Variants in RNLS observed in about 807,000 individuals in gnomAD.
The protein encoded by RNLS is renalase.
A neutral mutation model predicts 39.8 loss-of-function variants in RNLS; 39 were observed. The ratio of observed to expected loss-of-function variants is 0.98; its 90% CI spans 0.76 to 1.28. The LOEUF is 1.28. Among genes scored for constraint, RNLS ranks in the 50% most tolerant of loss-of-function variants. The probability of loss-of-function intolerance (pLI) is 0.00; values close to 1 mark genes in which losing one functional copy is unlikely to be tolerated. For synonymous variants in RNLS, 147 were observed against 150.7 expected (o/e 0.98, Z 0.18); for missense variants, 410 against 413.3 (o/e 0.99, Z 0.07).
chr10:88,424,565 C>T (rs988231319), intron 4 of RNLS, among the ~76,000 whole-genome samples: 2 of 152,018 alleles, frequency 1.3e-5, no homozygotes, highest in Admixed American at 6.6e-5. Context: ...CTTGAGGCAG[C>T]CCACACCAAT....
At position 88,583,314 on chromosome 10, in the gene RNLS, G is replaced by A. The variant is rs1850772966; in HGVS notation, c.-124C>T. ...TTCCGTGCTCCCTGGGCCGACCTGG[G>A]CCCTGAGCTTTCCTCCGGCCGGCCT... On this transcript the variant is annotated 5_prime_UTR_variant, in exon 1 of 7. Coordinates refer to ENST00000331772, the MANE Select transcript of RNLS (RefSeq NM_001031709.3). 6.9e-7 allele frequency: 1 copy of A among 1,442,084 alleles called. No individual in the cohort carries two copies. Among genetic ancestry groups the A allele is most frequent in the Non-Finnish European group, 9.1e-7 (1 of 1,103,754 alleles). 89.3% of individuals were successfully genotyped at this position (1,442,084 alleles called of 1,614,324 possible).
At chr10:88,548,059 C>T (rs1848406228) in intron 4 of RNLS, among the ~76,000 whole-genome samples, 1 of 150,872 alleles carries the variant, frequency 6.6e-6, no homozygotes, top group African/African-American at 2.4e-5. Flanking sequence ...CTCAGGAGTT[C>T]GCAACTAGCC....
At chr10:88,177,493 A>G in the RNLS span, among the ~76,000 whole-genome samples, 9 of 152,102 alleles carry the variant, frequency 5.9e-5, 1 homozygote, top group African/African-American at 2.2e-4. Context: ...TGTTTTCCTG[A>G]TTGGGTTGAA....
At chr10:88,493,306 G>A (rs1188693134) in intron 4 of RNLS, among the ~76,000 whole-genome samples, 1 of 151,874 alleles carries the variant, frequency 6.6e-6, no homozygotes, top group Non-Finnish European at 1.5e-5. Context: ...AATAATTGTA[G>A]TAAATGGATA....
the RNLS span, among the ~76,000 whole-genome samples, chr10:88,208,456 T>G: frequency 1.3e-5 from 2 of 152,176 alleles, no homozygotes; most frequent in Non-Finnish European, 2.9e-5. Flanking sequence ...AAAGCAGTGA[T>G]ATTTTACTAA....
At chr10:88,285,543 G>T (rs1843200884) in intron 6 of RNLS, 37 bp from the exon 7 acceptor site, 1 of 1,564,984 alleles carries the variant, frequency 6.4e-7, no homozygotes, top group African/African-American at 1.4e-5. Context: ...TTGACATTCT[G>T]TGCTCTATTG....
chr10:88,353,935 T>G (rs1046485175), intron 5 of RNLS, among the ~76,000 whole-genome samples: 1 of 152,240 alleles, frequency 6.6e-6, no homozygotes, highest in Non-Finnish European at 1.5e-5. Context: ...TAGCTCTTCT[T>G]GTTGAATTGA....
the RNLS span, among the ~76,000 whole-genome samples, chr10:88,244,964 AGTTGT>A: frequency 6.6e-6 from 1 of 152,188 alleles, no homozygotes; most frequent in South Asian, 2.1e-4. Flanking sequence ...TTTCAAGTTG[AGTTGT>A]GGTTTGCCAC....
chr10:88,316,947 T>G (rs1845807241), intron 5 of RNLS, among the ~76,000 whole-genome samples: 1 of 152,228 alleles, frequency 6.6e-6, no homozygotes, highest in East Asian at 1.9e-4. Flanking sequence ...TCAAGCAGAA[T>G]TTAAACGTGA....
chr10:88,460,578 T>C (rs1212655610), intron 4 of RNLS, among the ~76,000 whole-genome samples: 1 of 152,062 alleles, frequency 6.6e-6, no homozygotes, highest in Non-Finnish European at 1.5e-5. Context: ...CCCATCAGAA[T>C]AAAGCCTCCG....
At chr10:88,568,103 G>C (rs563395520) in intron 4 of RNLS, among the ~76,000 whole-genome samples, 4 of 152,288 alleles carry the variant, frequency 2.6e-5, no homozygotes, top group African/African-American at 9.6e-5. Context: ...ATGAAAGCAG[G>C]AGAAAATAAG....
the RNLS span, chr10:88,259,501 T>G: frequency 6.6e-6 from 1 of 152,220 alleles, no homozygotes; most frequent in Non-Finnish European, 1.5e-5. Context: ...GGTTTAAATG[T>G]CTATCTCTGG....
chr10:88,541,808 C>T (rs571197684), intron 4 of RNLS, among the ~76,000 whole-genome samples: 1 of 152,192 alleles, frequency 6.6e-6, no homozygotes, highest in Non-Finnish European at 1.5e-5. Context: ...GTGTAGGATA[C>T]AAACAAGGAC....
chr10:88,213,600 A>G, the RNLS span, among the ~76,000 whole-genome samples: 1 of 152,078 alleles, frequency 6.6e-6, no homozygotes, highest in Non-Finnish European at 1.5e-5. Flanking sequence ...TTCCTGCCAG[A>G]GCCGCCATCT....
intron 4 of RNLS, among the ~76,000 whole-genome samples, chr10:88,518,384 C>G (rs1210761736): frequency 6.6e-6 from 1 of 151,444 alleles, no homozygotes; most frequent in East Asian, 1.9e-4. Context: ...AAAATTCTGT[C>G]AATACATCAA....
chr10:88,231,417 G>A, the RNLS span, among the ~76,000 whole-genome samples: 3 of 152,160 alleles, frequency 2.0e-5, no homozygotes, highest in African/African-American at 7.2e-5. Flanking sequence ...CCAGAACAGT[G>A]AGCAAATACA....
chr10:88,484,121 T>C (rs1025511964), intron 4 of RNLS, among the ~76,000 whole-genome samples: 11 of 152,050 alleles, frequency 7.2e-5, no homozygotes, highest in Non-Finnish European at 1.5e-5. Context: ...CGAAAACAAA[T>C]TTTTGTAAAA....
intron 5 of RNLS, among the ~76,000 whole-genome samples, chr10:88,352,086 AAGG>A (rs1426969944): frequency 1.4e-4 from 22 of 152,330 alleles, no homozygotes; most frequent in African/African-American, 5.3e-4. Context: ...TTATCAGCTT[AAGG>A]AGATTTTGTG....
At chr10:88,506,861 T>C (rs1845824092) in intron 4 of RNLS, among the ~76,000 whole-genome samples, 1 of 152,132 alleles carries the variant, frequency 6.6e-6, no homozygotes, top group East Asian at 1.9e-4. Context: ...GCAACTAAAA[T>C]GCTCCACCAC....
Sources: allele counts gnomAD v4.1 joint callset (sites outside exome capture counted in the v4.1 genomes callset), GRCh38; gene constraint gnomAD v4.1.1; transcripts MANE v1.5; gene names NCBI Gene and HGNC (gene_info 2026-07-23, HGNC 2026-07-21).